The following CSMD1 variants were observed in gnomAD, a reference collection of about 807,000 sequenced individuals.
CSMD1 encodes the protein CUB and sushi domain-containing protein 1.
CSMD1 carries 213 observed loss-of-function variants against 417.5 expected under a neutral mutation model. The observed-to-expected ratio is 0.51, with a 90% CI of 0.46 to 0.57. The LOEUF (loss-of-function observed/expected upper bound fraction) is 0.57, where lower values mean the gene tolerates loss of function less well. CSMD1 is among the 20% of genes least tolerant of loss of function. The pLI, the probability that CSMD1 is intolerant of heterozygous loss-of-function variation, is 0.00. For synonymous variants in CSMD1, 2,862 were observed against 1,736.8 expected (o/e 1.65, Z -16.11); for missense variants, 6,923 against 4,529.7 (o/e 1.53, Z -15.17).
chr8:4,468,740 T>G (rs1006350525), intron 2 of CSMD1, among the ~76,000 whole-genome samples: 1 of 152,228 alleles, frequency 6.6e-6, no homozygotes, highest in Non-Finnish European at 1.5e-5. Flanking sequence ...GAGCCTACTC[T>G]GGGCTTGCTT....
At chr8:3,650,657 C>G (rs555399690) in intron 7 of CSMD1, among the ~76,000 whole-genome samples, 2 of 152,172 alleles carry the variant, frequency 1.3e-5, no homozygotes, top group Non-Finnish European at 2.9e-5. Flanking sequence ...ACTACCATCA[C>G]GCTATGAGAA....
At chr8:4,676,940 T>C (rs534511066) in intron 1 of CSMD1, among the ~76,000 whole-genome samples, 4 of 147,532 alleles carry the variant, frequency 2.7e-5, no homozygotes, top group South Asian at 2.1e-4. Context: ...ATGATATATA[T>C]AGAGAAATTA....
At chr8:4,310,730 G>A (rs1798515699) in intron 3 of CSMD1, among the ~76,000 whole-genome samples, 1 of 152,116 alleles carries the variant, frequency 6.6e-6, no homozygotes, top group African/African-American at 2.4e-5. Flanking sequence ...TGTATACCAT[G>A]GAGAGAGTAG....
chr8:4,136,055 A>G (rs939290181), intron 3 of CSMD1, among the ~76,000 whole-genome samples: 1 of 152,208 alleles, frequency 6.6e-6, no homozygotes, highest in Non-Finnish European at 1.5e-5. Flanking sequence ...TTTAAATGGC[A>G]CTTGGCAAGA....
Position 2,961,210 on chromosome 8 carries a change from A to C in CSMD1, c.9633T>G (p.Pro3211=), listed in dbSNP as rs2128925390. The C allele has an allele frequency of 6.3e-7, 1 of 1,589,020 alleles. No homozygotes were observed. Among genetic ancestry groups the C allele is most frequent in the East Asian group, 2.3e-5 (1 of 44,290 alleles). Reference sequence around the variant, plus strand: ...CAGGGTCTGGGCAGGTGTTATGAGCAGGATCTGAAATTTGTGATTTAAAAA... The same window carrying C: ...CAGGGTCTGGGCAGGTGTTATGAGCCGGATCTGAAATTTGTGATTTAAAAA... ...WSGIQPTCID[P]AHNTCPDPGT... Residue 3211 remains proline (P), a synonymous_variant, in exon 62 of 70, where the codon CCT becomes CCG. Coordinates refer to ENST00000635120, the MANE Select transcript of CSMD1 (RefSeq NM_033225.6).
intron 5 of CSMD1, among the ~76,000 whole-genome samples, chr8:3,808,316 C>G (rs75822489): frequency 0.015 from 2,245 of 152,150 alleles, 46 homozygotes; most frequent in East Asian, 0.038. Flanking sequence ...ATGGGAGCCT[C>G]TCTTCTCTAA....
chr8:3,843,091 T>C (rs1803240197), intron 5 of CSMD1, among the ~76,000 whole-genome samples: 1 of 152,186 alleles, frequency 6.6e-6, no homozygotes, highest in African/African-American at 2.4e-5. Context: ...TCGTTTTCTC[T>C]TTTTATTTAT....
In CSMD1 at chr8:4,751,973, T is replaced by A. The variant is rs145273364; in HGVS notation, c.86-114415A>T. Among the ~76,000 whole-genome samples, 989 of 152,282 alleles carry A rather than the reference T, an allele frequency of 6.5e-3. 39 individuals carry two copies. The highest frequency in any genetic ancestry group is 0.06 in the Admixed American group (924 of 15,276). ...GGGAAGTGCAAAGAATATATACATA[T>A]ACACGACTGTATATATGCGTGTATA... is the stretch of plus-strand genomic sequence containing the variant. On this transcript the variant is annotated intron_variant, in intron 1 of 69. Coordinates refer to ENST00000635120, the MANE Select transcript of CSMD1 (RefSeq NM_033225.6).
intron 1 of CSMD1, among the ~76,000 whole-genome samples, chr8:4,964,827 A>G (rs1270128819): frequency 6.6e-6 from 1 of 152,182 alleles, no homozygotes; most frequent in Non-Finnish European, 1.5e-5. Context: ...TGCACCCACG[A>G]TGGACTTTAA....
chr8:4,749,536 A>G (rs1326850316), intron 1 of CSMD1, among the ~76,000 whole-genome samples: 1 of 152,024 alleles, frequency 6.6e-6, no homozygotes, highest in East Asian at 1.9e-4. Flanking sequence ...TTTTTATTTT[A>G]CTCTAGACTT....
chr8:4,617,139 G>A (rs191202921), intron 2 of CSMD1, among the ~76,000 whole-genome samples: 114 of 151,994 alleles, frequency 7.5e-4, no homozygotes, highest in African/African-American at 2.5e-3. Context: ...TGCCAACTAA[G>A]ACAAGATGTA....
intron 4 of CSMD1, among the ~76,000 whole-genome samples, chr8:4,030,056 G>A (rs1023209813): frequency 2.6e-5 from 4 of 152,218 alleles, no homozygotes; most frequent in African/African-American, 9.6e-5. Flanking sequence ...GTACCCCTGT[G>A]ACTTTGAAGA....
At chr8:3,651,675 A>G (rs74886557) in intron 7 of CSMD1, among the ~76,000 whole-genome samples, 3,828 of 151,974 alleles carry the variant, frequency 0.025, 174 homozygotes, top group African/African-American at 0.087. Context: ...GCTTACTATC[A>G]CTGTACTTAA....
chr8:3,630,044 T>G (rs557342788), intron 7 of CSMD1, among the ~76,000 whole-genome samples: 52 of 108,928 alleles, frequency 4.8e-4, no homozygotes, highest in African/African-American at 1.5e-3. Context: ...TTCAAATGAT[T>G]ACTTTTCTAC....
At chr8:3,929,177 C>T (rs1412413113) in intron 5 of CSMD1, among the ~76,000 whole-genome samples, 1 of 150,200 alleles carries the variant, frequency 6.7e-6, no homozygotes, top group Non-Finnish European at 1.5e-5. Context: ...AACAAGAGTG[C>T]AAGGCTGAGG....
Position 3,241,183 on chromosome 8 carries a change from C to T in CSMD1, c.4154-10952G>A, listed in dbSNP as rs866598151. Among the ~76,000 whole-genome samples the T allele has an allele frequency of 4.2e-4, 64 of 151,550 alleles. No homozygotes were observed. In the South Asian group the frequency reaches 5.4e-3, roughly 13 times the overall value. ...AGCAGATAATTTAGTTAAAGTGTCT[C>T]GGCCTAATAAGGGAACTGGGCAGGT... On this transcript the variant is annotated intron_variant, in intron 26 of 69. Transcript: ENST00000635120.
At chr8:4,532,478 G>A (rs571492987) in intron 2 of CSMD1, among the ~76,000 whole-genome samples, 20 of 131,244 alleles carry the variant, frequency 1.5e-4, no homozygotes, top group African/African-American at 5.6e-4. Context: ...CCCATTCACA[G>A]TCACTCCGGA....
At chr8:4,730,383 G>C (rs1351161917) in intron 1 of CSMD1, among the ~76,000 whole-genome samples, 1 of 152,150 alleles carries the variant, frequency 6.6e-6, no homozygotes, top group African/African-American at 2.4e-5. Context: ...AACTAAATTT[G>C]TAAATATGGG....
chr8:4,759,900 T>A (rs1245171656), intron 1 of CSMD1, among the ~76,000 whole-genome samples: 3 of 152,224 alleles, frequency 2.0e-5, no homozygotes, highest in Non-Finnish European at 2.9e-5. Flanking sequence ...TATAATAGCA[T>A]GACTTATATT....
Sources: allele counts gnomAD v4.1 joint callset (sites outside exome capture counted in the v4.1 genomes callset), GRCh38; gene constraint gnomAD v4.1.1; transcripts MANE v1.5; gene names NCBI Gene and HGNC (gene_info 2026-07-23, HGNC 2026-07-21).